STK3: variants seen among roughly 807,000 people sequenced by gnomAD.
The protein encoded by STK3 is serine/threonine-protein kinase 3.
In STK3, 41 loss-of-function variants were observed where a neutral mutation model predicts 58.0. That is an observed-to-expected ratio of 0.71 (90% CI 0.55 to 0.92). The LOEUF (loss-of-function observed/expected upper bound fraction) is 0.92. Ranked by LOEUF, STK3 falls within the 40% of genes least tolerant of loss-of-function variation. The pLI is 0.00. For missense variants in STK3, 479 were observed against 602.7 expected, an observed-to-expected ratio of 0.79 and a Z score of 2.15; for synonymous variants, 170 against 191.0, an observed-to-expected ratio of 0.89 and a Z score of 0.91.
chr8:98,395,369 A>T (rs1817888531), intron 3 of STK3, among the ~76,000 whole-genome samples: 1 of 152,234 alleles, frequency 6.6e-6, no homozygotes, highest in Admixed American at 6.5e-5. Flanking sequence ...GCATCCAAAA[A>T]ACTTTGTGAG....
chr8:98,601,865 T>C (rs1816379534), intron 6 of STK3, among the ~76,000 whole-genome samples: 2 of 152,180 alleles, frequency 1.3e-5, no homozygotes, highest in Admixed American at 6.5e-5. Context: ...AGGCATCTTG[T>C]TGCCCATAAA....
Position 98,707,322 on chromosome 8 carries a change from A to G in STK3, c.352-11T>C. On this transcript the variant is annotated splice_polypyrimidine_tract_variant and intron_variant, in intron 4 of 10. Coordinates refer to ENST00000419617, the MANE Select transcript of STK3 (RefSeq NM_006281.4). ...TTCATCTTCTATTAACTGGAAAGAA[A>G]TATTTTTAAAACCATAATTAAAATG... is the stretch of plus-strand genomic sequence containing the variant. 1 of 1,497,652 alleles carries G rather than the reference A, an allele frequency of 6.7e-7. No homozygotes were observed. Among genetic ancestry groups the G allele is most frequent in the Non-Finnish European group, 9.0e-7 (1 of 1,115,976 alleles). The allele number at this position is 1,497,652 out of a possible 1,614,324, so 92.8% of individuals were successfully genotyped here. A position where few individuals can be genotyped will look rare whatever the true frequency, so the allele number is the denominator to read the frequency against.
intron 10 of STK3, among the ~76,000 whole-genome samples, chr8:98,498,172 C>T (rs1338551092): frequency 6.6e-6 from 1 of 151,440 alleles, no homozygotes. Context: ...AATAATGCTG[C>T]AAACTTTTCT....
intron 1 of STK3, among the ~76,000 whole-genome samples, chr8:98,381,812 TGG>T (rs1817735550): frequency 6.6e-6 from 1 of 152,214 alleles, no homozygotes; most frequent in African/African-American, 2.4e-5. Context: ...GCTCTGGGGA[TGG>T]TGCTTGCAGC....
chr8:98,635,118 G>C (rs1021910341), intron 6 of STK3, among the ~76,000 whole-genome samples: 1 of 151,920 alleles, frequency 6.6e-6, no homozygotes, highest in Non-Finnish European at 1.5e-5. Flanking sequence ...GCCAGAAAAG[G>C]GTAAAATGAG....
At chr8:98,495,695 A>G (rs1449981535) in intron 10 of STK3, among the ~76,000 whole-genome samples, 1 of 152,240 alleles carries the variant, frequency 6.6e-6, no homozygotes, top group African/African-American at 2.4e-5. Flanking sequence ...CTGCCAAGAC[A>G]TGCAATAGCA....
At chr8:98,752,448 T>C (rs1830043843) in intron 3 of STK3, among the ~76,000 whole-genome samples, 1 of 152,076 alleles carries the variant, frequency 6.6e-6, no homozygotes, top group Non-Finnish European at 1.5e-5. Context: ...TGTTCAAAAA[T>C]TTAACTCAAG....
chr8:98,681,852 A>G (rs1341907445), intron 6 of STK3, among the ~76,000 whole-genome samples: 1 of 152,232 alleles, frequency 6.6e-6, no homozygotes, highest in East Asian at 1.9e-4. Context: ...TCCCTGCCAA[A>G]ACACTTGTTT....
intron 8 of STK3, among the ~76,000 whole-genome samples, chr8:98,570,489 T>C (rs1157215503): frequency 6.6e-6 from 1 of 152,072 alleles, no homozygotes; most frequent in African/African-American, 2.4e-5. Context: ...ATCTACCAAC[T>C]CTTCCAAACA....
intron 10 of STK3, among the ~76,000 whole-genome samples, chr8:98,497,851 TA>T (rs1052640476): frequency 6.6e-6 from 1 of 152,162 alleles, no homozygotes; most frequent in Non-Finnish European, 1.5e-5. Flanking sequence ...GACAGGAATG[TA>T]AAATGGTGCA....
chr8:98,810,168 G>A (rs903118817), intron 1 of STK3, among the ~76,000 whole-genome samples: 1 of 152,124 alleles, frequency 6.6e-6, no homozygotes, highest in African/African-American at 2.4e-5. Context: ...ATGAGAAACT[G>A]CTCTCATGAT....
intron 6 of STK3, among the ~76,000 whole-genome samples, chr8:98,649,351 T>C (rs1250380189): frequency 6.6e-6 from 1 of 152,198 alleles, no homozygotes; most frequent in Non-Finnish European, 1.5e-5. Context: ...AAAATCATTA[T>C]ATGATTAGAT....
At chr8:98,456,137 AT>A in intron 10 of STK3, 137 bp from the exon 11 acceptor site, 1 of 919,154 alleles carries the variant, frequency 1.1e-6, no homozygotes, top group Non-Finnish European at 1.6e-6. Context: ...TCTTTGAAGT[AT>A]AGTTCAACAA....
intron 7 of STK3, among the ~76,000 whole-genome samples, chr8:98,585,036 T>G (rs1165616625): frequency 1.6e-4 from 24 of 150,292 alleles, no homozygotes; most frequent in South Asian, 2.1e-4. Context: ...TTTCTCCCAT[T>G]CTGTAGGTTG....
At chr8:98,625,798 AACAG>A (rs1312659387) in intron 6 of STK3, among the ~76,000 whole-genome samples, 2 of 152,240 alleles carry the variant, frequency 1.3e-5, no homozygotes, top group Non-Finnish European at 2.9e-5. Flanking sequence ...CGTAACTGAC[AACAG>A]ACAACCACCA....
chr8:98,418,067 C>A (rs1818133575), intron 3 of STK3, among the ~76,000 whole-genome samples: 1 of 152,076 alleles, frequency 6.6e-6, no homozygotes, highest in Non-Finnish European at 1.5e-5. Context: ...GTACCACCAT[C>A]CCCAGCTAAT....
chr8:98,767,036 G>A (rs1450794436), intron 3 of STK3, among the ~76,000 whole-genome samples: 4 of 152,124 alleles, frequency 2.6e-5, no homozygotes, highest in Non-Finnish European at 4.4e-5. Flanking sequence ...CAGGAGAATC[G>A]CTTGAACCCA....
intron 6 of STK3, among the ~76,000 whole-genome samples, chr8:98,610,493 T>C (rs1244122567): frequency 1.3e-5 from 2 of 152,230 alleles, no homozygotes; most frequent in Non-Finnish European, 2.9e-5. Flanking sequence ...TTTCTTTCTA[T>C]TCTATTCCCA....
intron 4 of STK3, among the ~76,000 whole-genome samples, chr8:98,740,007 G>GA (rs1829042942): frequency 6.6e-6 from 1 of 152,216 alleles, no homozygotes; most frequent in African/African-American, 2.4e-5. Context: ...GATGGAAGAC[G>GA]AAATAAATGA....
Sources: gnomAD v4.1 joint callset for allele counts (sites outside exome capture counted in the v4.1 genomes callset) on GRCh38, gnomAD v4.1.1 for gene constraint, MANE v1.5 for transcripts, NCBI Gene and HGNC (gene_info 2026-07-23, HGNC 2026-07-21) for gene names.